The following TAOK3 variants were observed in gnomAD, a reference collection of about 807,000 sequenced individuals.
TAOK3 encodes serine/threonine-protein kinase TAO3.
TAOK3 carries 40 observed loss-of-function variants against 120.4 expected under a neutral mutation model. The observed-to-expected ratio is 0.33, with a 90% CI of 0.26 to 0.43. The LOEUF (loss-of-function observed/expected upper bound fraction) is 0.43. Ranked by LOEUF, TAOK3 falls within the 20% of genes least tolerant of loss-of-function variation. TAOK3 has a pLI of 1.00. For missense variants in TAOK3, 821 were observed against 1,112.1 expected (o/e 0.74, Z 3.72); for synonymous variants, 355 against 387.5 (o/e 0.92, Z 0.99).
chr12:118,196,984 TA>T (rs2037761634), intron 13 of TAOK3, among the ~76,000 whole-genome samples: 1 of 152,230 alleles, frequency 6.6e-6, no homozygotes, highest in South Asian at 2.1e-4. Context: ...TTAAAAATCC[TA>T]TTTATGTTCC....
intron 1 of TAOK3, among the ~76,000 whole-genome samples, chr12:118,296,726 T>C (rs1477202057): frequency 6.6e-6 from 1 of 152,216 alleles, no homozygotes; most frequent in Non-Finnish European, 1.5e-5. Flanking sequence ...TATTTTCACC[T>C]AAAATTTTAA....
intron 11 of TAOK3, among the ~76,000 whole-genome samples, chr12:118,212,556 AGCCAG>A (rs2038685464): frequency 6.6e-6 from 1 of 152,020 alleles, no homozygotes; most frequent in Non-Finnish European, 1.5e-5. Context: ...TTGAACCACC[AGCCAG>A]CTCTGTCCTG....
At chr12:118,252,929 T>G (rs2040820376) in intron 3 of TAOK3, among the ~76,000 whole-genome samples, 1 of 152,140 alleles carries the variant, frequency 6.6e-6, no homozygotes, top group Non-Finnish European at 1.5e-5. Flanking sequence ...GGTTTCTCCG[T>G]GTTAGCCAGG....
intron 1 of TAOK3, among the ~76,000 whole-genome samples, chr12:118,306,499 A>C (rs1375320993): frequency 1.3e-5 from 2 of 151,988 alleles, no homozygotes. Context: ...TTATTTCAAC[A>C]CTTGGTTTAA....
At chr12:118,360,142 G>A (rs377060475) in intron 1 of TAOK3, among the ~76,000 whole-genome samples, 2 of 151,876 alleles carry the variant, frequency 1.3e-5, no homozygotes, top group Admixed American at 1.3e-4. Context: ...GCAGGAGGCC[G>A]TAATCTCAGG....
intron 14 of TAOK3, among the ~76,000 whole-genome samples, chr12:118,186,401 C>T (rs368966461): frequency 3.3e-4 from 51 of 152,240 alleles, no homozygotes; most frequent in African/African-American, 1.2e-3. Context: ...ATCACAGAAA[C>T]GGCCAAGAGC....
intron 14 of TAOK3, among the ~76,000 whole-genome samples, 168 bp downstream of exon 14, chr12:118,189,639 T>A (rs2037312016): frequency 6.6e-6 from 1 of 151,132 alleles, no homozygotes; most frequent in African/African-American, 2.4e-5. Flanking sequence ...CAGGTTGCTA[T>A]GCCAACAGAT....
At chr12:118,277,001 C>T (rs564775677) in intron 1 of TAOK3, among the ~76,000 whole-genome samples, 5 of 152,268 alleles carry the variant, frequency 3.3e-5, no homozygotes, top group East Asian at 3.9e-4. Flanking sequence ...TGAGAGACTC[C>T]GTCTCAAACA....
chr12:118,151,713 TTTC>T (rs2034456964), intron 20 of TAOK3, among the ~76,000 whole-genome samples: 2 of 152,258 alleles, frequency 1.3e-5, no homozygotes, highest in South Asian at 4.1e-4. Flanking sequence ...TATGAAATGT[TTTC>T]TACTTCATAT....
At chr12:118,302,951 A>G (rs902633979) in intron 1 of TAOK3, among the ~76,000 whole-genome samples, 12 of 152,148 alleles carry the variant, frequency 7.9e-5, no homozygotes, top group African/African-American at 2.4e-4. Flanking sequence ...TATCTTCAGT[A>G]CCACCACTCC....
chr12:118,362,318 A>G (rs1227206496), intron 1 of TAOK3, among the ~76,000 whole-genome samples: 1 of 58,126 alleles, frequency 1.7e-5, no homozygotes, highest in Admixed American at 2.1e-4. Context: ...CTGATGGGCT[A>G]AAAAAAAAAA....
In TAOK3 at chr12:118,196,094, T is replaced by TAAATAAATAAATAAAA. The variant is rs1338241804; in HGVS notation, c.1194+2956_1194+2957insTTTTATTTATTTATTT. Among the ~76,000 whole-genome samples, 74 of 146,078 alleles carry TAAATAAATAAATAAAA rather than the reference T, an allele frequency of 5.1e-4. 1 individual carries two copies. Among genetic ancestry groups the TAAATAAATAAATAAAA allele is most frequent in the African/African-American group, 1.6e-3 (64 of 39,896 alleles). ...ATAAATAAATAAATAAATAAATAAATAAAAGGAAGTTTGGATTAGGATCCC... is the reference window on the plus strand; with the variant it reads ...ATAAATAAATAAATAAATAAATAAATAAATAAATAAATAAAAAAAAGGAAGTTTGGATTAGGATCCC... On this transcript the variant is annotated intron_variant, in intron 13 of 20. Transcript: ENST00000392533.
chr12:118,292,547 T>C (rs1019838831), intron 1 of TAOK3, among the ~76,000 whole-genome samples: 4 of 152,220 alleles, frequency 2.6e-5, no homozygotes, highest in African/African-American at 9.6e-5. Context: ...TTACTATTCC[T>C]GATCTCTTAT....
chr12:118,355,224 T>C (rs1447416484), intron 1 of TAOK3, among the ~76,000 whole-genome samples: 1 of 152,208 alleles, frequency 6.6e-6, no homozygotes, highest in Non-Finnish European at 1.5e-5. Context: ...AATATCTATG[T>C]TCTATTGTCA....
At chr12:118,198,721 A>G in intron 13 of TAOK3, 1 of 322,108 alleles carries the variant, frequency 3.1e-6, no homozygotes. Flanking sequence ...TACTTCTAAA[A>G]GGGCACAACC....
chr12:118,228,415 G>T (rs913875270), intron 9 of TAOK3, among the ~76,000 whole-genome samples: 1 of 152,110 alleles, frequency 6.6e-6, no homozygotes, highest in African/African-American at 2.4e-5. Context: ...GCCTCCCAAA[G>T]TGCTGGGATT....
chr12:118,202,773 C>CTTTTTTTTTTTTTTTTTTTTT (rs58282262), intron 11 of TAOK3, among the ~76,000 whole-genome samples: 1 of 100,636 alleles, frequency 9.9e-6, no homozygotes, highest in African/African-American at 4.1e-5. Context: ...ATAGTCTATT[C>CTTTTTTTTTTTTTTTTTTTTT]TTTTTTTTTT....
chr12:118,316,579 T>C (rs918761136), intron 1 of TAOK3, among the ~76,000 whole-genome samples: 42 of 149,610 alleles, frequency 2.8e-4, no homozygotes, highest in African/African-American at 2.7e-4. Context: ...TTCTCTCTCT[T>C]TTTTTTTTTG....
chr12:118,225,643 G>A (rs1010005210), intron 9 of TAOK3, among the ~76,000 whole-genome samples: 9 of 152,206 alleles, frequency 5.9e-5, no homozygotes, highest in South Asian at 2.1e-4. Flanking sequence ...GTGTACTACC[G>A]TTAAATATTC....
Sources: gnomAD v4.1 joint callset for allele counts (sites outside exome capture counted in the v4.1 genomes callset) on GRCh38, gnomAD v4.1.1 for gene constraint, MANE v1.5 for transcripts, NCBI Gene and HGNC (gene_info 2026-07-23, HGNC 2026-07-21) for gene names.